Variants in ZNF607 observed in about 807,000 individuals in gnomAD.
ZNF607 encodes the protein zinc finger protein 607.
In ZNF607, 5 loss-of-function variants were observed where a neutral mutation model predicts 12.8. The observed-to-expected ratio is 0.39, with a 90% CI of 0.20 to 0.82. The LOEUF (loss-of-function observed/expected upper bound fraction) is 0.82. Ranked by LOEUF, ZNF607 falls within the 40% of genes least tolerant of loss-of-function variation. ZNF607 has a pLI of 0.39. For missense variants in ZNF607, 851 were observed against 859.2 expected (o/e 0.99, Z 0.12); for synonymous variants, 287 against 276.2 (o/e 1.04, Z -0.39).
At chr19:37,711,745 ACTC>A in intron 1 of ZNF607, 53 bp from the exon 2 acceptor site, 1 of 851,666 alleles carries the variant, frequency 1.2e-6, no homozygotes, top group South Asian at 1.5e-5. Context: ...TCCCCATAGG[ACTC>A]AAGGTAATAG....
chr19:37,697,908 A>T lies in ZNF607; in HGVS notation c.*132T>A. ...ATTTTGAAAAGTTCACACCAATACA[A>T]ATTGATGCCTAATAAAAACTGAACT... is the stretch of plus-strand genomic sequence containing the variant. On this transcript the variant is annotated 3_prime_UTR_variant, in exon 5 of 5. Coordinates refer to ENST00000355202, the MANE Select transcript of ZNF607 (RefSeq NM_032689.5). The T allele has an allele frequency of 4.7e-6, 4 of 852,486 alleles. No individual in the cohort carries two copies. The highest frequency in any genetic ancestry group is 5.4e-6 in the Non-Finnish European group (3 of 558,316). 52.8% of individuals were successfully genotyped at this position (852,486 alleles called of 1,614,324 possible). A position where few individuals can be genotyped will look rare whatever the true frequency, so the allele number is the denominator to read the frequency against.
chr19:37,699,903 A>C lies in ZNF607; in HGVS notation c.236-8T>G. The stretch of plus-strand genomic sequence containing the variant: ...CACATCTTGAATCCAAATCTAGAAG[A>C]CATAAAATAAAAACATTTTATTGGA... On this transcript the variant is annotated splice_region_variant and splice_polypyrimidine_tract_variant and intron_variant, in intron 4 of 4. Transcript: ENST00000355202. The C allele has an allele frequency of 6.4e-7, 1 of 1,551,672 alleles. No homozygotes were observed. Among genetic ancestry groups the C allele is most frequent in the Non-Finnish European group, 8.7e-7 (1 of 1,153,814 alleles).
chr19:37,705,863 G>A (rs1285244378), intron 4 of ZNF607, among the ~76,000 whole-genome samples: 1 of 149,082 alleles, frequency 6.7e-6, no homozygotes, highest in East Asian at 2.0e-4. Flanking sequence ...TCTCTCTTTT[G>A]TTCTCATAAA....
chr19:37,700,412 T>C (rs1365448465), intron 4 of ZNF607, among the ~76,000 whole-genome samples: 3 of 146,396 alleles, frequency 2.0e-5, no homozygotes, highest in Non-Finnish European at 4.6e-5. Flanking sequence ...ACTCAGTATC[T>C]TATTTAATAT....
At position 37,708,002 on chromosome 19, in the gene ZNF607, G is replaced by A. The variant is rs766491704; in HGVS notation, c.147C>T (p.Ser49=). ...YDNLVSLAGH[S]VSKPDLITLL... is the part of the protein sequence containing the mutation. ...AGGTGATTAAATCTGGCTTAGATAC[G>A]GAATGTCCTGCTTACAAAGAAAAGA... Residue 49 remains serine, a synonymous_variant, in exon 4 of 5, where the codon TCC becomes TCT. Coordinates refer to ENST00000355202, the MANE Select transcript of ZNF607 (RefSeq NM_032689.5). 5.6e-6 allele frequency: 9 copies of A among 1,611,914 alleles called. No individual in the cohort carries two copies. The highest frequency in any genetic ancestry group is 3.4e-6 in the Non-Finnish European group (4 of 1,179,254).
In ZNF607 at chr19:37,698,166, A is replaced by C; in HGVS notation, c.1965T>G (p.Asn655Lys). Residue 655 changes from asparagine to lysine, a missense_variant, in exon 5 of 5, where the codon AAT becomes AAG. Physicochemically the swap from Asn to Lys is moderately conservative, Grantham distance 94 (BLOSUM62 0). Transcript: ENST00000355202. ...YMCEECGKAF[N>K]SSHELSIHHR... ...GATGTATACTAAGTTCATGGCTACT[A>C]TTAAAAGCTTTCCCACACTCTTCAC... The C allele has an allele frequency of 6.2e-7, 1 of 1,614,148 alleles. No individual in the cohort carries two copies. The highest frequency in any genetic ancestry group is 1.7e-5 in the Admixed American group (1 of 60,028).
At chr19:37,713,910 T>C (rs2045152345) in intron 1 of ZNF607, among the ~76,000 whole-genome samples, 1 of 152,156 alleles carries the variant, frequency 6.6e-6, no homozygotes, top group Admixed American at 6.5e-5. Context: ...AGGTTAAACA[T>C]ATTATTCTCC....
intron 1 of ZNF607, among the ~76,000 whole-genome samples, chr19:37,718,437 A>G (rs1453514538): frequency 6.6e-6 from 1 of 152,138 alleles, no homozygotes; most frequent in Non-Finnish European, 1.5e-5. Flanking sequence ...TGGAACCTGC[A>G]ATCATCCTTC....
chr19:37,699,645 T>C lies in ZNF607; in HGVS notation c.486A>G (p.Lys162=). 1.2e-6 allele frequency: 2 copies of C among 1,614,116 alleles called. No individual in the cohort carries two copies. Among genetic ancestry groups the C allele is most frequent in the Non-Finnish European group, 1.7e-6 (2 of 1,179,994 alleles). ...SHLTDLRKHQ[K]INAREKPYEC... ...CATAAGGTTTCTCACGAGCATTAAT[T>C]TTCTGATGCTTTCTAAGGTCTGTAA... is the stretch of plus-strand genomic sequence containing the variant. Residue 162 remains lysine, a synonymous_variant, in exon 5 of 5, where the codon AAA becomes AAG. Transcript: ENST00000355202.
chr19:37,711,758 G>A lies in ZNF607; in HGVS notation c.-74-66C>T, dbSNP rs540551777. 1.5e-5 allele frequency: 11 copies of A among 729,746 alleles called. No homozygotes were observed. In the South Asian group the frequency reaches 2.0e-4, roughly 14 times the overall value. The allele number at this position is 729,746 out of a possible 1,614,324, so 45.2% of individuals were successfully genotyped here. ...GGTCCCCATAGGACTCAAGGTAATA[G>A]TACTGTTTTCCTCTTCCATTCCAAG... On this transcript the variant is annotated intron_variant, in intron 1 of 4. Transcript: ENST00000355202.
chr19:37,717,754 A>AC (rs2045189641), intron 1 of ZNF607, among the ~76,000 whole-genome samples: 1 of 147,310 alleles, frequency 6.8e-6, no homozygotes, highest in African/African-American at 2.5e-5. Context: ...TGCAGTGAGC[A>AC]GAGATCGCAC....
At chr19:37,702,287 C>CAAAAAA (rs10714690) in intron 4 of ZNF607, among the ~76,000 whole-genome samples, 275 of 73,232 alleles carry the variant, frequency 3.8e-3, no homozygotes, top group Non-Finnish European at 4.4e-3. Context: ...AACTCCATCT[C>CAAAAAA]AAAAAAAAAA....
chr19:37,707,736 G>T (rs972918293), intron 4 of ZNF607, among the ~76,000 whole-genome samples, 178 bp downstream of exon 4: 1 of 152,066 alleles, frequency 6.6e-6, no homozygotes, highest in Non-Finnish European at 1.5e-5. Context: ...CACAGCGCTG[G>T]GCCTTCATTG....
chr19:37,699,596 A>G lies in ZNF607; in HGVS notation c.535T>C (p.Phe179Leu). 6.2e-7 allele frequency: 1 copy of G among 1,614,164 alleles called. No homozygotes were observed. The highest frequency in any genetic ancestry group is 8.5e-7 in the Non-Finnish European group (1 of 1,180,030). Reference sequence around the variant, plus strand: ...TGAGCAAGGTTTGCAGGATAACTGAAGACCTTCCCACATTCTTCACATTCA... The same window carrying G: ...TGAGCAAGGTTTGCAGGATAACTGAGGACCTTCCCACATTCTTCACATTCA... The part of the protein sequence containing the change: ...PYECEECGKV[F>L]SYPANLAQHG... Residue 179 changes from phenylalanine to leucine, a missense_variant, in exon 5 of 5, where the codon TTC becomes CTC. By Grantham distance (22) the Phe-to-Leu change is conservative. Coordinates refer to ENST00000355202, the MANE Select transcript of ZNF607 (RefSeq NM_032689.5).
intron 4 of ZNF607, among the ~76,000 whole-genome samples, chr19:37,702,918 A>C (rs1446907093): frequency 6.6e-6 from 1 of 152,090 alleles, no homozygotes; most frequent in Non-Finnish European, 1.5e-5. Context: ...ATACAACCCA[A>C]AAGTCAACAG....
At chr19:37,712,317 A>G (rs930708701) in intron 1 of ZNF607, among the ~76,000 whole-genome samples, 3 of 152,244 alleles carry the variant, frequency 2.0e-5, no homozygotes, top group African/African-American at 7.2e-5. Context: ...ATATATAAAT[A>G]CATATCCATC....
intron 2 of ZNF607, among the ~76,000 whole-genome samples, chr19:37,710,501 G>C (rs898865345): frequency 1.4e-5 from 2 of 141,526 alleles, no homozygotes; most frequent in African/African-American, 5.2e-5. Context: ...AACGAAAATG[G>C]AGTGGAGGAG....
At chr19:37,715,324 G>T (rs1222878332) in intron 1 of ZNF607, among the ~76,000 whole-genome samples, 4 of 148,580 alleles carry the variant, frequency 2.7e-5, no homozygotes, top group African/African-American at 7.4e-5. Flanking sequence ...AAAAAATTAG[G>T]TTTTTTTTGG....
chr19:37,696,938 C>A lies in ZNF607; in HGVS notation c.*1102G>T. 2 of 680,540 alleles carry A rather than the reference C, an allele frequency of 2.9e-6. No individual in the cohort carries two copies. Among genetic ancestry groups the A allele is most frequent in the Admixed American group, 2.1e-5 (1 of 48,564 alleles). 42.2% of individuals were successfully genotyped at this position (680,540 alleles called of 1,614,324 possible). The stretch of plus-strand genomic sequence containing the variant: ...TGAGCCCAAAGGTGGCTGCTCACTC[C>A]ATAAGGTTGTTGCTCACCTGGCTGG... On this transcript the variant is annotated 3_prime_UTR_variant, in exon 5 of 5. Coordinates refer to ENST00000355202, the MANE Select transcript of ZNF607 (RefSeq NM_032689.5).
Sources: allele counts gnomAD v4.1 joint callset (sites outside exome capture counted in the v4.1 genomes callset), GRCh38; gene constraint gnomAD v4.1.1; transcripts MANE v1.5; gene names NCBI Gene and HGNC (gene_info 2026-07-23, HGNC 2026-07-21).